ROBO2: variants seen among roughly 807,000 people sequenced by gnomAD.
The protein encoded by ROBO2 is roundabout homolog 2.
In ROBO2, 53 loss-of-function variants were observed where a neutral mutation model predicts 160.8. The ratio of observed to expected loss-of-function variants is 0.33; its 90% CI spans 0.26 to 0.41. The LOEUF is 0.41. Among genes scored for constraint, ROBO2 ranks in the 10% least tolerant of loss-of-function variants. The probability of loss-of-function intolerance (pLI) is 1.00; values close to 1 mark genes in which losing one functional copy is unlikely to be tolerated. For missense variants in ROBO2, 1,577 were observed against 1,722.4 expected, an observed-to-expected ratio of 0.92 and a Z score of 1.49; for synonymous variants, 664 against 611.7, an observed-to-expected ratio of 1.09 and a Z score of -1.26.
intron 24 of ROBO2, among the ~76,000 whole-genome samples, chr3:77,639,452 A>T (rs1024176300): frequency 1.3e-5 from 2 of 152,130 alleles, no homozygotes; most frequent in Non-Finnish European, 2.9e-5. Context: ...AAGTATTTTT[A>T]AGTAGAGTGA....
intron 2 of ROBO2, among the ~76,000 whole-genome samples, chr3:76,895,736 A>G (rs1449266441): frequency 6.6e-6 from 1 of 152,152 alleles, no homozygotes; most frequent in Non-Finnish European, 1.5e-5. Flanking sequence ...TGCTTAAGAA[A>G]AGCTTTCATG....
intron 1 of ROBO2, among the ~76,000 whole-genome samples, chr3:77,044,166 TAA>T: frequency 6.8e-6 from 1 of 146,510 alleles, no homozygotes; most frequent in Non-Finnish European, 1.5e-5. Flanking sequence ...AAAAATATTG[TAA>T]AAAAAAAAAG....
At chr3:76,664,709 A>C (rs1404951714) in intron 2 of ROBO2, among the ~76,000 whole-genome samples, 1 of 152,212 alleles carries the variant, frequency 6.6e-6, no homozygotes, top group East Asian at 1.9e-4. Context: ...TTCTTTAAAC[A>C]TACCATTCTC....
At chr3:76,548,309 T>C (rs1389188287) in intron 2 of ROBO2, among the ~76,000 whole-genome samples, 1 of 152,178 alleles carries the variant, frequency 6.6e-6, no homozygotes, top group Non-Finnish European at 1.5e-5. Flanking sequence ...TAGTAAATAT[T>C]TGCTTTGCCT....
chr3:76,549,153 A>G (rs1392899121), intron 2 of ROBO2, among the ~76,000 whole-genome samples: 1 of 152,188 alleles, frequency 6.6e-6, no homozygotes, highest in Non-Finnish European at 1.5e-5. Context: ...TAATTAGAAC[A>G]TTCATAATGC....
At chr3:76,695,145 A>T (rs2092901438) in intron 2 of ROBO2, among the ~76,000 whole-genome samples, 1 of 152,128 alleles carries the variant, frequency 6.6e-6, no homozygotes, top group Non-Finnish European at 1.5e-5. Context: ...TATTTTTTTA[A>T]ATATGAGCAA....
chr3:75,919,394 A>T (rs1302886522), intron 1 of ROBO2, among the ~76,000 whole-genome samples: 1 of 152,118 alleles, frequency 6.6e-6, no homozygotes, highest in Non-Finnish European at 1.5e-5. Context: ...AGCCAACTTG[A>T]TCGTGGTGGA....
intron 2 of ROBO2, among the ~76,000 whole-genome samples, chr3:76,735,458 G>C (rs1309518478): frequency 6.6e-6 from 1 of 152,048 alleles, no homozygotes; most frequent in Non-Finnish European, 1.5e-5. Flanking sequence ...AGGCAGCGGG[G>C]CATGGGTTAA....
intron 2 of ROBO2, among the ~76,000 whole-genome samples, chr3:77,465,356 A>G (rs897110302): frequency 6.6e-6 from 1 of 152,140 alleles, no homozygotes; most frequent in African/African-American, 2.4e-5. Context: ...TAGTAACTAC[A>G]ATGTAGAGAT....
intron 2 of ROBO2, among the ~76,000 whole-genome samples, chr3:76,952,621 T>G (rs2079025953): frequency 6.6e-6 from 1 of 152,116 alleles, no homozygotes; most frequent in Admixed American, 6.6e-5. Context: ...AATAAACTTT[T>G]GCACAGTCAT....
At chr3:76,235,334 T>C (rs946156230) in intron 2 of ROBO2, among the ~76,000 whole-genome samples, 1 of 151,868 alleles carries the variant, frequency 6.6e-6, no homozygotes, top group African/African-American at 2.4e-5. Flanking sequence ...GAGATAGAGA[T>C]TGGAGTGAAT....
chr3:77,392,862 G>A, intron 2 of ROBO2, among the ~76,000 whole-genome samples: 1 of 152,120 alleles, frequency 6.6e-6, no homozygotes, highest in Non-Finnish European at 1.5e-5. Flanking sequence ...TCTGTTCCGT[G>A]TTATACATAC....
intron 2 of ROBO2, among the ~76,000 whole-genome samples, chr3:76,327,948 A>G (rs1309443877): frequency 6.6e-6 from 1 of 152,118 alleles, no homozygotes; most frequent in Non-Finnish European, 1.5e-5. Context: ...ATAGGAAAAG[A>G]GGTAGTCTGA....
intron 2 of ROBO2, among the ~76,000 whole-genome samples, chr3:76,219,569 G>GA (rs1001843230): frequency 3.3e-5 from 5 of 152,076 alleles, no homozygotes; most frequent in African/African-American, 9.7e-5. Context: ...ACAGACACAT[G>GA]AAAAAAATGC....
intron 2 of ROBO2, among the ~76,000 whole-genome samples, chr3:76,380,909 T>G (rs1258041465): frequency 1.3e-5 from 2 of 152,122 alleles, no homozygotes; most frequent in Non-Finnish European, 2.9e-5. Context: ...AATGATTTTT[T>G]CATTGATCCA....
intron 2 of ROBO2, among the ~76,000 whole-genome samples, chr3:76,141,008 A>G (rs1264472918): frequency 8.7e-6 from 1 of 115,192 alleles, no homozygotes; most frequent in Non-Finnish European, 1.9e-5. Flanking sequence ...TTGATGAGGC[A>G]TATAACTTAG....
chr3:76,826,386 G>A lies in ROBO2; in HGVS notation c.110-271628G>A, dbSNP rs569588806. On this transcript the variant is annotated intron_variant, in intron 2 of 26. Coordinates refer to the ROBO2 transcript ENST00000487694. Reference sequence around the variant, plus strand: ...CCATTGCTGCAGAGATATGGTTGTAGTAGTCATATCATCTCAGAATTACCC... The same window carrying A: ...CCATTGCTGCAGAGATATGGTTGTAATAGTCATATCATCTCAGAATTACCC... Among the ~76,000 whole-genome samples, 5 of 152,204 alleles carry A rather than the reference G, an allele frequency of 3.3e-5. No individual in the cohort carries two copies. In the South Asian group the frequency reaches 8.3e-4, roughly 25 times the overall value.
Position 77,308,553 on chromosome 3 carries a change from C to T in ROBO2, c.389-168861C>T, listed in dbSNP as rs1467058160. 3.3e-5 allele frequency among the ~76,000 whole-genome samples: 5 copies of T among 152,032 alleles called. No individual in the cohort carries two copies. In the East Asian group the frequency reaches 5.8e-4, roughly 18 times the overall value. On this transcript the variant is annotated intron_variant, in intron 2 of 25. Coordinates refer to ENST00000461745, the Ensembl canonical transcript of ROBO2. ...AGGAGCATGGATGCTGGATACTAGACATCAATACTAAAATATATGTTGAAA... is the reference window on the plus strand; with the variant it reads ...AGGAGCATGGATGCTGGATACTAGATATCAATACTAAAATATATGTTGAAA...
chr3:76,887,194 ATTTTTTTTTTTTT>A (rs5850296), intron 2 of ROBO2, among the ~76,000 whole-genome samples: 10 of 76,578 alleles, frequency 1.3e-4, no homozygotes, highest in African/African-American at 5.1e-4. Flanking sequence ...TTCAGGAAGC[ATTTTTTTTTTTTT>A]TTTTTTTTTT....
Sources: gnomAD v4.1 joint callset for allele counts (sites outside exome capture counted in the v4.1 genomes callset) on GRCh38, gnomAD v4.1.1 for gene constraint, MANE v1.5 for transcripts, NCBI Gene and HGNC (gene_info 2026-07-23, HGNC 2026-07-21) for gene names.